The following GNGT1 variants were observed in gnomAD, a reference collection of about 807,000 sequenced individuals.
GNGT1 encodes guanine nucleotide-binding protein G(T) subunit gamma-T1.
GNGT1 carries 4 observed loss-of-function variants against 7.4 expected under a neutral mutation model. The ratio of observed to expected loss-of-function variants is 0.54; its 90% CI spans 0.27 to 1.24. The LOEUF is 1.24. GNGT1 is among the 50% of genes most tolerant of loss of function. The probability of loss-of-function intolerance (pLI) is 0.12; values close to 1 mark genes in which losing one functional copy is unlikely to be tolerated. For synonymous variants in GNGT1, 37 were observed against 30.2 expected (o/e 1.23, Z -0.74); for missense variants, 95 against 82.4 (o/e 1.15, Z -0.59).
At chr7:93,907,971 A>C (rs971113734) in intron 2 of GNGT1, among the ~76,000 whole-genome samples, 10 of 152,216 alleles carry the variant, frequency 6.6e-5, no homozygotes, top group Admixed American at 3.3e-4. Context: ...TTTTAGGATA[A>C]AGAAAAGTTT....
chr7:93,907,860 G>A (rs954355917), intron 2 of GNGT1, among the ~76,000 whole-genome samples: 7 of 152,092 alleles, frequency 4.6e-5, no homozygotes, highest in Admixed American at 3.3e-4. Context: ...CAGGCAAAAC[G>A]TTTTGCTGTA....
chr7:93,906,928 C>T (rs1475279999), intron 2 of GNGT1, 86 bp downstream of exon 2: 3 of 674,276 alleles, frequency 4.4e-6, no homozygotes, highest in Admixed American at 6.5e-5. Flanking sequence ...TGGAAAGGCT[C>T]AATGTAGTTA....
At chr7:93,909,598 AGAGT>A in intron 2 of GNGT1, 1 of 653,548 alleles carries the variant, frequency 1.5e-6, no homozygotes, top group South Asian at 1.7e-5. Context: ...TTTTAGAGAG[AGAGT>A]GTGGGACCAC....
At chr7:93,910,216 C>G (rs995777549) in intron 2 of GNGT1, 1 of 152,160 alleles carries the variant, frequency 6.6e-6, no homozygotes, top group Non-Finnish European at 1.5e-5. Flanking sequence ...TCACTGAGCA[C>G]TAAAGAACAC....
Position 93,910,867 on chromosome 7 carries a change from A to G in GNGT1, c.174A>G (p.Pro58=). 6.2e-7 allele frequency: 1 copy of G among 1,609,970 alleles called. No individual in the cohort carries two copies. The highest frequency in any genetic ancestry group is 1.1e-5 in the South Asian group (1 of 90,604). The change falls in exon 3 of 3, where the codon CCA becomes CCG. Residue 58 remains proline, a synonymous_variant. Coordinates refer to ENST00000248572, the MANE Select transcript of GNGT1 (RefSeq NM_021955.5). The part of the protein sequence containing the change: ...SGEDPLVKGI[P]EDKNPFKELK... ...AGGATCCACTGGTAAAGGGCATCCCAGAGGACAAAAATCCCTTCAAGGAGC... is the reference window on the plus strand; with the variant it reads ...AGGATCCACTGGTAAAGGGCATCCCGGAGGACAAAAATCCCTTCAAGGAGC...
chr7:93,909,946 C>T (rs1346788591), intron 2 of GNGT1: 2 of 155,094 alleles, frequency 1.3e-5, no homozygotes, highest in Non-Finnish European at 2.8e-5. Flanking sequence ...ATGAAAGATA[C>T]ACTAACTGAA....
intron 2 of GNGT1, chr7:93,909,545 A>C (rs1175663815): frequency 2.9e-6 from 2 of 701,282 alleles, no homozygotes; most frequent in African/African-American, 3.5e-5. Flanking sequence ...ACAGCAAGTT[A>C]CACCTCTGTT....
intron 2 of GNGT1, among the ~76,000 whole-genome samples, chr7:93,909,118 T>C (rs1163324502): frequency 1.3e-5 from 2 of 152,168 alleles, no homozygotes; most frequent in Non-Finnish European, 2.9e-5. Context: ...CGACAAGTCT[T>C]TGCATCCAGT....
chr7:93,907,883 A>G (rs1794401263), intron 2 of GNGT1, among the ~76,000 whole-genome samples: 1 of 152,208 alleles, frequency 6.6e-6, no homozygotes, highest in Non-Finnish European at 1.5e-5. Context: ...GATAAAATTA[A>G]ATCATTACTA....
At chr7:93,908,160 T>C (rs1794405932) in intron 2 of GNGT1, among the ~76,000 whole-genome samples, 2 of 152,124 alleles carry the variant, frequency 1.3e-5, no homozygotes, top group Non-Finnish European at 2.9e-5. Context: ...TGGGGTTCCT[T>C]TTCCCCATTA....
rs1364940544 is a variant in GNGT1, at chr7:93,910,822, C to T, written c.129C>T (p.Tyr43=). ...VSKCCEEVRD[Y]VEERSGEDPL... is the part of the protein sequence containing the mutation. ...AATGTTGTGAAGAAGTAAGAGATTA[C>T]GTTGAAGAACGATCTGGCGAGGATC... The change falls in exon 3 of 3, where the codon TAC becomes TAT. Residue 43 remains tyrosine, a synonymous_variant. Coordinates refer to ENST00000248572, the MANE Select transcript of GNGT1 (RefSeq NM_021955.5). 4.4e-6 allele frequency: 7 copies of T among 1,603,022 alleles called. No homozygotes were observed. Among genetic ancestry groups the T allele is most frequent in the East Asian group, 2.2e-5 (1 of 44,760 alleles).
intron 2 of GNGT1, among the ~76,000 whole-genome samples, chr7:93,909,007 G>A (rs561229723): frequency 6.6e-6 from 1 of 152,236 alleles, no homozygotes; most frequent in South Asian, 2.1e-4. Context: ...ACAATGCCTG[G>A]TAATAGCAAG....
chr7:93,910,620 GA>G (rs1309471630), intron 2 of GNGT1, 169 bp from the exon 3 acceptor site: 7 of 365,630 alleles, frequency 1.9e-5, no homozygotes, highest in Non-Finnish European at 3.5e-5. Flanking sequence ...GAAGGAGTGG[GA>G]AGGGTGCAAC....
intron 2 of GNGT1, 182 bp from the exon 3 acceptor site, chr7:93,910,608 C>T: frequency 6.2e-6 from 2 of 323,046 alleles, no homozygotes; most frequent in Non-Finnish European, 1.2e-5. Flanking sequence ...GAGATATATC[C>T]AGAAGGAGTG....
At chr7:93,908,756 A>G (rs1045938365) in intron 2 of GNGT1, among the ~76,000 whole-genome samples, 5 of 151,936 alleles carry the variant, frequency 3.3e-5, no homozygotes, top group African/African-American at 1.2e-4. Flanking sequence ...TTAAGTGGAT[A>G]TACTCAGTAT....
chr7:93,910,227 A>G (rs1794440432), intron 2 of GNGT1: 1 of 152,212 alleles, frequency 6.6e-6, no homozygotes, highest in South Asian at 2.1e-4. Flanking sequence ...TAAAGAACAC[A>G]GCCTCTGTTC....
Position 93,910,934 on chromosome 7 carries a change from A to C in GNGT1, c.*16A>C. 6.5e-7 allele frequency: 1 copy of C among 1,530,692 alleles called. No homozygotes were observed. 94.8% of individuals were successfully genotyped at this position (1,530,692 alleles called of 1,614,324 possible). ...GATTTCATAATACAAACAAAAAGAA[A>C]AAAAATTAAACAAATTCTTGGAAAT... On this transcript the variant is annotated 3_prime_UTR_variant, in exon 3 of 3. Coordinates refer to ENST00000248572, the MANE Select transcript of GNGT1 (RefSeq NM_021955.5).
At chr7:93,909,883 T>C (rs1227120149) in intron 2 of GNGT1, 1 of 174,576 alleles carries the variant, frequency 5.7e-6, no homozygotes, top group Non-Finnish European at 1.2e-5. Flanking sequence ...AAATGACTTA[T>C]GGAATGGCCA....
At chr7:93,908,020 A>T (rs1279988996) in intron 2 of GNGT1, among the ~76,000 whole-genome samples, 2 of 152,140 alleles carry the variant, frequency 1.3e-5, no homozygotes, top group Non-Finnish European at 2.9e-5. Context: ...CTGTTTTATT[A>T]TTTATGTACT....
Sources: gnomAD v4.1 joint callset for allele counts (sites outside exome capture counted in the v4.1 genomes callset) on GRCh38, gnomAD v4.1.1 for gene constraint, MANE v1.5 for transcripts, NCBI Gene and HGNC (gene_info 2026-07-23, HGNC 2026-07-21) for gene names.